Variants in SPAG17 observed in about 807,000 individuals in gnomAD.
SPAG17 encodes sperm associated antigen 17.
SPAG17 carries 169 observed loss-of-function variants against 273.6 expected under a neutral mutation model. The observed-to-expected ratio is 0.62, with a 90% CI of 0.55 to 0.70. The LOEUF (loss-of-function observed/expected upper bound fraction) is 0.70, where lower values mean the gene tolerates loss of function less well. SPAG17 is among the 30% of genes least tolerant of loss of function. SPAG17 has a pLI of 0.00. For missense variants in SPAG17, 2,557 were observed against 2,627.8 expected (o/e 0.97, Z 0.59); for synonymous variants, 825 against 873.2 (o/e 0.94, Z 0.97).
intron 31 of SPAG17, among the ~76,000 whole-genome samples, chr1:118,006,579 T>A (rs1658908099): frequency 6.6e-6 from 1 of 152,234 alleles, no homozygotes; most frequent in African/African-American, 2.4e-5. Flanking sequence ...TGTGCAGATG[T>A]ATGTTTTCTC....
chr1:118,013,641 G>A (rs1287681782), intron 29 of SPAG17, among the ~76,000 whole-genome samples: 2 of 152,084 alleles, frequency 1.3e-5, no homozygotes, highest in South Asian at 2.1e-4. Flanking sequence ...CTGGTAAAGT[G>A]CGTCACACTT....
At chr1:118,158,779 G>C (rs911520509) in intron 1 of SPAG17, among the ~76,000 whole-genome samples, 2 of 152,080 alleles carry the variant, frequency 1.3e-5, no homozygotes, top group Admixed American at 1.3e-4. Flanking sequence ...ACACCCAGAG[G>C]CTTTAGTGCT....
At chr1:118,096,353 C>CTTT (rs5777333) in intron 7 of SPAG17, among the ~76,000 whole-genome samples, 6 of 146,230 alleles carry the variant, frequency 4.1e-5, no homozygotes, top group Non-Finnish European at 1.5e-5. Flanking sequence ...AGACAGTCGG[C>CTTT]TTTTTTTTTT....
intron 1 of SPAG17, among the ~76,000 whole-genome samples, chr1:118,181,475 T>C (rs1660943611): frequency 6.6e-6 from 1 of 151,972 alleles, no homozygotes; most frequent in Non-Finnish European, 1.5e-5. Flanking sequence ...CAAATATTAA[T>C]AGTAACCAAG....
At chr1:118,058,719 C>A (rs993483936) in intron 18 of SPAG17, among the ~76,000 whole-genome samples, 1 of 152,084 alleles carries the variant, frequency 6.6e-6, no homozygotes, top group Non-Finnish European at 1.5e-5. Context: ...CAACTCTACA[C>A]TAACCTAGTG....
intron 4 of SPAG17, among the ~76,000 whole-genome samples, chr1:118,102,237 C>T (rs754560622): frequency 2.0e-5 from 3 of 152,070 alleles, no homozygotes; most frequent in South Asian, 2.1e-4. Context: ...GAAGGCAGGG[C>T]GGGAAGATAA....
At chr1:118,169,825 T>C (rs1029860162) in intron 1 of SPAG17, among the ~76,000 whole-genome samples, 2 of 152,178 alleles carry the variant, frequency 1.3e-5, no homozygotes, top group African/African-American at 4.8e-5. Flanking sequence ...GGAACTTCCA[T>C]TACTATTTTC....
At chr1:117,966,854 G>T in intron 46 of SPAG17, 101 bp from the exon 47 acceptor site, 1 of 1,031,094 alleles carries the variant, frequency 9.7e-7, no homozygotes, top group Admixed American at 3.2e-5. Flanking sequence ...TCTTACCTTT[G>T]GTTTCTTCAT....
At chr1:118,148,419 G>C (rs557888731) in intron 3 of SPAG17, among the ~76,000 whole-genome samples, 1 of 152,174 alleles carries the variant, frequency 6.6e-6, no homozygotes, top group Non-Finnish European at 1.5e-5. Flanking sequence ...GCTAGCTCAG[G>C]TGGCCAGCTT....
At chr1:118,133,909 T>C (rs1029063828) in intron 3 of SPAG17, among the ~76,000 whole-genome samples, 1 of 152,202 alleles carries the variant, frequency 6.6e-6, no homozygotes, top group African/African-American at 2.4e-5. Flanking sequence ...TACACCATCA[T>C]TTCACTTTAA....
chr1:118,107,330 C>T (rs1656460863), intron 4 of SPAG17, among the ~76,000 whole-genome samples: 1 of 152,100 alleles, frequency 6.6e-6, no homozygotes, highest in South Asian at 2.1e-4. Context: ...CAGAGCACTC[C>T]ACCCACCTCA....
Position 117,992,469 on chromosome 1 carries a change from A to G in SPAG17, c.5358T>C (p.Leu1786=). The change falls in exon 36 of 49, where the codon CTT becomes CTC. Residue 1786 remains leucine, a synonymous_variant. Coordinates refer to ENST00000336338, the MANE Select transcript of SPAG17 (RefSeq NM_206996.4). ...CAGGTCACCTAGATTCCATTACCTT[A>G]AGGGAAACCTGCAGCCTCAGTTTCA... is the stretch of plus-strand genomic sequence containing the variant. ...NEVKLRLQVS[L]KDYINYILKK... The G allele has an allele frequency of 6.2e-7, 1 of 1,607,090 alleles. No individual in the cohort carries two copies. The highest frequency in any genetic ancestry group is 8.5e-7 in the Non-Finnish European group (1 of 1,177,630).
chr1:118,086,866 C>T lies in SPAG17; in HGVS notation c.1497+5G>A, dbSNP rs775342000. On this transcript the variant is annotated splice_donor_5th_base_variant and intron_variant, in intron 11 of 48. Coordinates refer to ENST00000336338, the MANE Select transcript of SPAG17 (RefSeq NM_206996.4). ...TGAAGACTCTGCTATCTCAGGCTAT[C>T]TGACCTTTTTCTCCCTCTCTGAGAG... 4 of 1,614,028 alleles carry T rather than the reference C, an allele frequency of 2.5e-6. No homozygotes were observed. The African/African-American group carries it at 4.0e-5, about 16-fold the overall frequency.
intron 47 of SPAG17, 56 bp from the exon 48 acceptor site, chr1:117,963,994 AC>A: frequency 1.9e-5 from 29 of 1,541,150 alleles, no homozygotes; most frequent in Non-Finnish European, 2.4e-5. Context: ...GCATATATAA[AC>A]CTAAATAACA....
intron 8 of SPAG17, 149 bp downstream of exon 8, chr1:118,093,007 C>G (rs1357093387): frequency 2.5e-6 from 2 of 789,572 alleles, no homozygotes; most frequent in Non-Finnish European, 3.8e-6. Context: ...TCACAAAGCC[C>G]CCATCATGTA....
chr1:118,115,325 C>CCGTCGCTGT lies in SPAG17; in HGVS notation c.423_431dup (p.Gln142_Arg144dup). On this transcript the variant is annotated inframe_insertion, in exon 4 of 49. Transcript: ENST00000336338. Reference sequence around the variant, plus strand: ...CGTACAGTACCTTCTTTTCATTTTCCCGTCGCTGTTGGTCCTTAAATTTAA... The same window carrying CCGTCGCTGT: ...CGTACAGTACCTTCTTTTCATTTTCCCGTCGCTGTCGTCGCTGTTGGTCCTTAAATTTAA... 6.2e-7 allele frequency: 1 copy of CCGTCGCTGT among 1,613,444 alleles called. No homozygotes were observed. The highest frequency in any genetic ancestry group is 8.5e-7 in the Non-Finnish European group (1 of 1,179,572).
chr1:118,170,117 A>G (rs1214563407), intron 1 of SPAG17, among the ~76,000 whole-genome samples: 1 of 152,172 alleles, frequency 6.6e-6, no homozygotes, highest in Admixed American at 6.6e-5. Context: ...ATCTAATTCA[A>G]CTAGCTCTCC....
intron 18 of SPAG17, among the ~76,000 whole-genome samples, chr1:118,064,297 T>C (rs949236242): frequency 6.6e-6 from 1 of 151,974 alleles, no homozygotes; most frequent in Non-Finnish European, 1.5e-5. Flanking sequence ...GTATGTTTAT[T>C]GCGGCACTAT....
intron 12 of SPAG17, 130 bp downstream of exon 12, chr1:118,086,541 C>T (rs1655009104): frequency 2.5e-6 from 2 of 801,496 alleles, no homozygotes; most frequent in Admixed American, 2.8e-5. Flanking sequence ...ACTTTGTATG[C>T]AAGTATCTAT....
Sources: allele counts gnomAD v4.1 joint callset (sites outside exome capture counted in the v4.1 genomes callset), GRCh38; gene constraint gnomAD v4.1.1; transcripts MANE v1.5; gene names NCBI Gene and HGNC (gene_info 2026-07-23, HGNC 2026-07-21).